TENM2: variants seen among roughly 807,000 people sequenced by gnomAD.
The protein encoded by TENM2 is teneurin-2.
TENM2 carries 52 observed loss-of-function variants against 245.2 expected under a neutral mutation model. That is an observed-to-expected ratio of 0.21 (90% CI 0.17 to 0.27). The LOEUF (loss-of-function observed/expected upper bound fraction) is 0.27. Ranked by LOEUF, TENM2 falls within the 10% of genes least tolerant of loss-of-function variation. The probability of loss-of-function intolerance (pLI) is 1.00; values close to 1 mark genes in which losing one functional copy is unlikely to be tolerated. For missense variants in TENM2, 3,046 were observed against 3,666.8 expected, an observed-to-expected ratio of 0.83 and a Z score of 4.37; for synonymous variants, 1,363 against 1,438.9, an observed-to-expected ratio of 0.95 and a Z score of 1.19.
intron 2 of TENM2, among the ~76,000 whole-genome samples, chr5:167,483,718 T>C (rs1005220520): frequency 6.6e-6 from 1 of 152,226 alleles, no homozygotes; most frequent in Non-Finnish European, 1.5e-5. Context: ...CTCAAAATCT[T>C]TATTCTCTCT....
rs755614167 is a variant in TENM2 at position 167,445,311 on chromosome 5, T to TTATATATATATATATATATATA, written c.502+69843_502+69864dup. On this transcript the variant is annotated intron_variant, in intron 2 of 28. Transcript: ENST00000518659. ...GTCAGGCTTATTATAAACCATATGA[T>TTATATATATATATATATATATA]TATATATATATATATATATATATAT... 4.3e-5 allele frequency among the ~76,000 whole-genome samples: 3 copies of TTATATATATATATATATATATA among 69,982 alleles called. No homozygotes were observed. The South Asian group carries it at 2.0e-3, about 47-fold the overall frequency. 45.9% of individuals were successfully genotyped at this position (69,982 alleles called of 152,430 possible).
At chr5:167,842,834 G>T (rs1315947880) in intron 2 of TENM2, among the ~76,000 whole-genome samples, 1 of 152,060 alleles carries the variant, frequency 6.6e-6, no homozygotes, top group Non-Finnish European at 1.5e-5. Context: ...CTCATCAAAC[G>T]CTGATTGGAT....
At chr5:167,691,377 T>C (rs1324031883) in intron 2 of TENM2, among the ~76,000 whole-genome samples, 1 of 152,136 alleles carries the variant, frequency 6.6e-6, no homozygotes, top group East Asian at 1.9e-4. Context: ...ATAAGAACAA[T>C]TTCTTCCTGT....
At chr5:167,449,597 C>G in intron 2 of TENM2, among the ~76,000 whole-genome samples, 1 of 152,104 alleles carries the variant, frequency 6.6e-6, no homozygotes, top group South Asian at 2.1e-4. Context: ...TAATTGTAGT[C>G]TTTTATAGTT....
At chr5:167,943,942 ATCT>A (rs1477728161) in intron 3 of TENM2, among the ~76,000 whole-genome samples, 2 of 152,194 alleles carry the variant, frequency 1.3e-5, no homozygotes, top group Non-Finnish European at 2.9e-5. Flanking sequence ...GTGTAATAAA[ATCT>A]TCTCTTTAGA....
intron 8 of TENM2, among the ~76,000 whole-genome samples, chr5:168,091,557 T>C (rs1447314629): frequency 6.6e-6 from 1 of 152,262 alleles, no homozygotes; most frequent in Non-Finnish European, 1.5e-5. Context: ...TATTGGGATT[T>C]TTAATCTTCT....
intron 2 of TENM2, among the ~76,000 whole-genome samples, chr5:167,445,365 A>AGAGT (rs1561961848): frequency 7.5e-4 from 98 of 130,126 alleles, no homozygotes; most frequent in African/African-American, 2.9e-3. Context: ...AGAGAGAGAG[A>AGAGT]GAGAGTGTCA....
intron 2 of TENM2, among the ~76,000 whole-genome samples, chr5:167,401,371 C>T (rs1177528522): frequency 6.6e-6 from 1 of 152,096 alleles, no homozygotes; most frequent in Non-Finnish European, 1.5e-5. Flanking sequence ...TGGACAGGAG[C>T]TGATGCTTGG....
intron 2 of TENM2, among the ~76,000 whole-genome samples, chr5:167,573,178 G>A (rs1420661585): frequency 2.0e-5 from 3 of 152,042 alleles, no homozygotes; most frequent in Admixed American, 6.5e-5. Flanking sequence ...CCATCTGCCA[G>A]TAAAACTACA....
intron 1 of TENM2, among the ~76,000 whole-genome samples, chr5:167,357,982 C>T (rs1010787962): frequency 4.1e-4 from 63 of 152,176 alleles, no homozygotes; most frequent in African/African-American, 1.4e-3. Flanking sequence ...CCAGGTAAAG[C>T]GTTCACCTGT....
At chr5:167,384,562 G>A (rs1761300554) in intron 2 of TENM2, among the ~76,000 whole-genome samples, 2 of 152,206 alleles carry the variant, frequency 1.3e-5, no homozygotes, top group African/African-American at 4.8e-5. Context: ...AGATGACCAA[G>A]AGCTGTGAGC....
intron 2 of TENM2, among the ~76,000 whole-genome samples, chr5:167,399,882 A>C (rs899048695): frequency 1.3e-5 from 2 of 152,140 alleles, no homozygotes; most frequent in Admixed American, 1.3e-4. Context: ...TCTTGTAAAG[A>C]AACAGAATAG....
At chr5:167,460,337 A>G (rs2127491467) in intron 2 of TENM2, among the ~76,000 whole-genome samples, 1 of 152,322 alleles carries the variant, frequency 6.6e-6, no homozygotes, top group South Asian at 2.1e-4. Context: ...AACCATTTTC[A>G]TACCCCACAT....
rs76237008 is a variant in TENM2, at chr5:167,434,841, G to A, written c.502+59368G>A. On this transcript the variant is annotated intron_variant, in intron 2 of 28. Transcript: ENST00000518659. ...ATTCTCATGCAAAGAAAATACACAC[G>A]TAGTTCAAATTCTGTGAGTTTCTTT... Among the ~76,000 whole-genome samples the A allele has an allele frequency of 8.1e-3, 1,233 of 152,246 alleles. 15 individuals carry two copies. The highest frequency in any genetic ancestry group is 0.028 in the African/African-American group (1,168 of 41,558).
chr5:167,705,186 C>T, intron 2 of TENM2, among the ~76,000 whole-genome samples: 1 of 152,162 alleles, frequency 6.6e-6, no homozygotes, highest in East Asian at 1.9e-4. Context: ...AAAACTTTGT[C>T]CCTATAGTAA....
exon 21 of TENM2, chr5:168,215,130 C>A: frequency 6.2e-7 from 1 of 1,613,860 alleles, no homozygotes; most frequent in Non-Finnish European, 8.5e-7. Flanking sequence ...GAATCTACCG[C>A]GTCAAGTCTC....
intron 2 of TENM2, among the ~76,000 whole-genome samples, chr5:167,557,106 T>C (rs557282722): frequency 2.6e-5 from 4 of 152,368 alleles, no homozygotes; most frequent in Non-Finnish European, 5.9e-5. Flanking sequence ...GAAAAGCGTG[T>C]GTGCGTGTAC....
the TENM2 span, among the ~76,000 whole-genome samples, chr5:167,171,900 G>C: frequency 1.1e-4 from 17 of 152,260 alleles, no homozygotes; most frequent in Admixed American, 2.0e-4. Context: ...ATGGATCTAG[G>C]GGAGAGAACA....
At chr5:168,214,860 G>A (rs192296505) in intron 20 of TENM2, 180 bp from the exon 23 acceptor site, 15 of 693,708 alleles carry the variant, frequency 2.2e-5, no homozygotes, top group Admixed American at 1.2e-4. Context: ...CCAATTAGAA[G>A]TAGCTAAGAA....
Sources: allele counts gnomAD v4.1 joint callset (sites outside exome capture counted in the v4.1 genomes callset), GRCh38; gene constraint gnomAD v4.1.1; transcripts MANE v1.5; gene names NCBI Gene and HGNC (gene_info 2026-07-23, HGNC 2026-07-21).